Variants in SUPT3H observed in about 807,000 individuals in gnomAD.
SUPT3H encodes the protein SPT3 homolog, SAGA and STAGA complex component, also known as transcription initiation protein SPT3 homolog.
Under a neutral mutation model 44.3 loss-of-function variants are expected in SUPT3H, and 44 were observed. The ratio of observed to expected loss-of-function variants is 0.99; its 90% confidence interval spans 0.78 to 1.28. SUPT3H has a LOEUF of 1.28. Among genes scored for constraint, SUPT3H ranks in the 50% most tolerant of loss-of-function variants. SUPT3H has a pLI of 0.00. For synonymous variants in SUPT3H, 124 were observed against 125.6 expected (o/e 0.99, Z 0.09); for missense variants, 380 against 387.1 (o/e 0.98, Z 0.15).
At chr6:44,953,150 G>A (rs527561959) in intron 9 of SUPT3H, among the ~76,000 whole-genome samples, 160 bp downstream of exon 9, 2 of 152,288 alleles carry the variant, frequency 1.3e-5, no homozygotes, top group Non-Finnish European at 2.9e-5. Flanking sequence ...GCACACAGTA[G>A]GTGCTCAATT....
chr6:45,234,508 G>A (rs1448726930), intron 2 of SUPT3H, among the ~76,000 whole-genome samples: 3 of 141,704 alleles, frequency 2.1e-5, no homozygotes, highest in Non-Finnish European at 4.5e-5. Flanking sequence ...TCCTGCCTGG[G>A]AGACAGAACG....
chr6:45,354,087 A>G (rs1792635268), intron 2 of SUPT3H, among the ~76,000 whole-genome samples: 1 of 152,166 alleles, frequency 6.6e-6, no homozygotes, highest in Non-Finnish European at 1.5e-5. Context: ...CTTGATAGAA[A>G]TACATTAGTT....
intron 10 of SUPT3H, among the ~76,000 whole-genome samples, chr6:44,860,673 G>C (rs927479716): frequency 1.3e-5 from 2 of 152,090 alleles, no homozygotes; most frequent in Middle Eastern, 3.2e-3. Flanking sequence ...ACAACAAGAG[G>C]CTGTAACAAA....
At chr6:44,999,131 A>T (rs1383731168) in intron 6 of SUPT3H, among the ~76,000 whole-genome samples, 1 of 151,972 alleles carries the variant, frequency 6.6e-6, no homozygotes, top group Non-Finnish European at 1.5e-5. Flanking sequence ...AATATGCCCT[A>T]TAAATTTTTG....
intron 2 of SUPT3H, among the ~76,000 whole-genome samples, chr6:45,183,703 C>A (rs534828042): frequency 4.6e-5 from 7 of 152,222 alleles, no homozygotes; most frequent in African/African-American, 1.7e-4. Flanking sequence ...GGACACACAT[C>A]CAAATCATAT....
At position 45,024,753 on chromosome 6, in the gene SUPT3H, A is replaced by G. The variant is rs368013055; in HGVS notation, c.187-4121T>C. Among the ~76,000 whole-genome samples the G allele has an allele frequency of 1.2e-4, 19 of 152,298 alleles. No homozygotes were observed. In the East Asian group the frequency reaches 3.1e-3, roughly 25 times the overall value. On this transcript the variant is annotated intron_variant, in intron 3 of 10. Transcript: ENST00000371459. ...GTTTCTGGATGAGATTAACAGTTCA[A>G]TCAGTAGACTGAGTAGCAGACTGTC...
chr6:45,237,620 G>A (rs1373909373), intron 2 of SUPT3H, among the ~76,000 whole-genome samples: 2 of 152,146 alleles, frequency 1.3e-5, no homozygotes, highest in African/African-American at 4.8e-5. Flanking sequence ...TATCATTTTT[G>A]ATGGCAGCCA....
At chr6:44,996,375 A>T (rs191979537) in intron 6 of SUPT3H, among the ~76,000 whole-genome samples, 1 of 151,986 alleles carries the variant, frequency 6.6e-6, no homozygotes, top group East Asian at 1.9e-4. Flanking sequence ...TAAAAGAGCT[A>T]TATAAATGAT....
chr6:45,049,627 T>C (rs1789957212), intron 3 of SUPT3H, among the ~76,000 whole-genome samples: 1 of 152,182 alleles, frequency 6.6e-6, no homozygotes, highest in Admixed American at 6.5e-5. Context: ...TAAGTGACTG[T>C]AAGAGCAGGG....
chr6:44,934,440 A>G (rs1257677401), intron 9 of SUPT3H, among the ~76,000 whole-genome samples: 1 of 152,232 alleles, frequency 6.6e-6, no homozygotes, highest in Non-Finnish European at 1.5e-5. Context: ...AGTTCCCTAC[A>G]TACTCCTATG....
chr6:45,042,050 C>T (rs1026671096), intron 3 of SUPT3H, among the ~76,000 whole-genome samples: 11 of 152,096 alleles, frequency 7.2e-5, no homozygotes, highest in Admixed American at 5.9e-4. Context: ...AATACAGATA[C>T]AGTATGGCAT....
At chr6:45,331,401 T>C (rs954963066) in intron 2 of SUPT3H, among the ~76,000 whole-genome samples, 2 of 151,980 alleles carry the variant, frequency 1.3e-5, no homozygotes, top group Non-Finnish European at 2.9e-5. Flanking sequence ...AAAACAGCAA[T>C]TGTGGTCCAT....
chr6:44,952,789 C>A (rs1774507955), intron 9 of SUPT3H, among the ~76,000 whole-genome samples: 1 of 152,104 alleles, frequency 6.6e-6, no homozygotes, highest in Non-Finnish European at 1.5e-5. Flanking sequence ...GTTCCCATAG[C>A]AAAGCCAGAT....
At chr6:45,287,058 C>G (rs939352548) in intron 2 of SUPT3H, among the ~76,000 whole-genome samples, 2 of 151,894 alleles carry the variant, frequency 1.3e-5, no homozygotes, top group African/African-American at 4.8e-5. Flanking sequence ...CACATGGACA[C>G]AGGAAGGGGA....
intron 2 of SUPT3H, among the ~76,000 whole-genome samples, chr6:45,109,283 T>G (rs1562476755): frequency 6.6e-6 from 1 of 152,184 alleles, no homozygotes; most frequent in Non-Finnish European, 1.5e-5. Flanking sequence ...ATGCATTATT[T>G]AATTCGTTGG....
intron 2 of SUPT3H, among the ~76,000 whole-genome samples, chr6:45,111,621 C>A: frequency 6.9e-6 from 1 of 145,724 alleles, no homozygotes; most frequent in East Asian, 2.1e-4. Context: ...TCCTTTCAAA[C>A]AATTACCCTT....
At chr6:45,047,261 C>T (rs986006541) in intron 3 of SUPT3H, among the ~76,000 whole-genome samples, 1 of 152,084 alleles carries the variant, frequency 6.6e-6, no homozygotes, top group Non-Finnish European at 1.5e-5. Flanking sequence ...GTGAAAGGAG[C>T]ATCCTTGCCT....
At chr6:45,047,699 T>C (rs1562334467) in intron 3 of SUPT3H, among the ~76,000 whole-genome samples, 1 of 152,152 alleles carries the variant, frequency 6.6e-6, no homozygotes, top group Non-Finnish European at 1.5e-5. Flanking sequence ...TACTAATTTA[T>C]ATTCCCACCA....
intron 5 of SUPT3H, among the ~76,000 whole-genome samples, chr6:45,014,097 C>T (rs577090821): frequency 1.5e-4 from 23 of 151,988 alleles, no homozygotes; most frequent in African/African-American, 5.3e-4. Context: ...AGAAGTCCCA[C>T]GTCAAGATTA....
Sources: gnomAD v4.1 joint callset for allele counts (sites outside exome capture counted in the v4.1 genomes callset) on GRCh38, gnomAD v4.1.1 for gene constraint, MANE v1.5 for transcripts, NCBI Gene and HGNC (gene_info 2026-07-23, HGNC 2026-07-21) for gene names.